RARB: variants seen among roughly 807,000 people sequenced by gnomAD.
The protein encoded by RARB is retinoic acid receptor beta.
In RARB, 17 loss-of-function variants were observed where a neutral mutation model predicts 51.9. That is an observed-to-expected ratio of 0.33 (90% CI 0.22 to 0.49). The LOEUF (loss-of-function observed/expected upper bound fraction) is 0.49. Ranked by LOEUF, RARB falls within the 20% of genes least tolerant of loss-of-function variation. The pLI is 0.99. For missense variants in RARB, 369 were observed against 550.8 expected, an observed-to-expected ratio of 0.67 and a Z score of 3.30; for synonymous variants, 215 against 195.4, an observed-to-expected ratio of 1.10 and a Z score of -0.84.
Position 25,575,843 on chromosome 3 carries a change from A to T in RARB, c.610-4703A>T, listed in dbSNP as rs185474544. Among the ~76,000 whole-genome samples, 13 of 152,252 alleles carry T rather than the reference A, an allele frequency of 8.5e-5. No individual in the cohort carries two copies. The East Asian group carries it at 2.5e-3, about 29-fold the overall frequency. On this transcript the variant is annotated intron_variant, in intron 4 of 7. Coordinates refer to ENST00000330688, the MANE Select transcript of RARB (RefSeq NM_000965.5). ...ACATCTTTTTGAGGAACACAGTTTA[A>T]CCCGTAACAAACAGTAACACCTAGT...
chr3:25,026,512 G>A (rs1407371667), intron 2 of RARB, among the ~76,000 whole-genome samples: 2 of 152,038 alleles, frequency 1.3e-5, no homozygotes, highest in African/African-American at 2.4e-5. Context: ...TGCCTCTTTG[G>A]GCATCCAAAT....
chr3:24,864,395 T>C (rs75772675), intron 2 of RARB, among the ~76,000 whole-genome samples: 402 of 152,338 alleles, frequency 2.6e-3, no homozygotes, highest in African/African-American at 9.4e-3. Flanking sequence ...CTCTGGATAC[T>C]TCCCTGGCTC....
chr3:25,499,792 G>A (rs2125603257), intron 2 of RARB, among the ~76,000 whole-genome samples: 1 of 151,870 alleles, frequency 6.6e-6, no homozygotes, highest in East Asian at 1.9e-4. Flanking sequence ...AAGGAGGGAA[G>A]GAAAAGAGAA....
At chr3:25,367,828 C>A (rs1351783) in intron 5 of RARB, among the ~76,000 whole-genome samples, 63,648 of 136,978 alleles carry the variant, frequency 0.46, 15,467 homozygotes, top group East Asian at 0.73. Flanking sequence ...AAAAAAAAAA[C>A]AAAAACAAAA....
intron 2 of RARB, among the ~76,000 whole-genome samples, chr3:25,043,375 A>G (rs1311781696): frequency 2.6e-5 from 4 of 152,272 alleles, no homozygotes; most frequent in Non-Finnish European, 4.4e-5. Flanking sequence ...ATTTATTAAT[A>G]GTAATAAATA....
chr3:25,245,640 T>C (rs1702540927), intron 5 of RARB, among the ~76,000 whole-genome samples: 1 of 152,208 alleles, frequency 6.6e-6, no homozygotes, highest in Non-Finnish European at 1.5e-5. Context: ...CCCCACTCTC[T>C]TCTTGCTTGT....
chr3:24,833,669 T>C lies in RARB; in HGVS notation c.-459+4266T>C, dbSNP rs77430992. Among the ~76,000 whole-genome samples the C allele has an allele frequency of 4.2e-3, 639 of 152,360 alleles. 2 individuals carry two copies. The highest frequency in any genetic ancestry group is 0.015 in the African/African-American group (610 of 41,578). ...CTTTAGTCTTCCTCATTTGGGGAAA[T>C]GACAGTACCATACTAATTGTTCAGT... On this transcript the variant is annotated intron_variant, in intron 1 of 11. Transcript: ENST00000383772.
At chr3:24,972,164 C>CT (rs1696414285) in intron 2 of RARB, among the ~76,000 whole-genome samples, 3 of 151,940 alleles carry the variant, frequency 2.0e-5, no homozygotes, top group African/African-American at 7.2e-5. Context: ...CGCTTTCTGG[C>CT]CTCTCGTCAC....
At chr3:25,575,536 T>C (rs940575086) in intron 4 of RARB, among the ~76,000 whole-genome samples, 8 of 152,192 alleles carry the variant, frequency 5.3e-5, no homozygotes, top group African/African-American at 1.9e-4. Flanking sequence ...GAGAGAGCCC[T>C]TTCTTGCCTC....
At chr3:25,182,842 G>A (rs1233163997) in intron 5 of RARB, among the ~76,000 whole-genome samples, 2 of 152,160 alleles carry the variant, frequency 1.3e-5, no homozygotes, top group South Asian at 2.1e-4. Context: ...ATTAGGGTGA[G>A]CCCTAATCCA....
In RARB at chr3:25,596,770, T is replaced by TGAA; in HGVS notation, c.*154_*155insGAA. The TGAA allele has an allele frequency of 1.8e-6, 1 of 551,290 alleles. No individual in the cohort carries two copies. The highest frequency in any genetic ancestry group is 3.0e-6 in the Non-Finnish European group (1 of 332,982). The allele number at this position is 551,290 out of a possible 1,614,324, so 34.1% of individuals were successfully genotyped here. On this transcript the variant is annotated 3_prime_UTR_variant, in exon 8 of 8. Coordinates refer to ENST00000330688, the MANE Select transcript of RARB (RefSeq NM_000965.5). ...AAGTTTTCATATGTATCAATATATA[T>TGAA]ACTCCTCACTGTGTAACTTACCTAG...
intron 1 of RARB, among the ~76,000 whole-genome samples, chr3:25,439,605 C>T (rs1462132511): frequency 1.3e-5 from 2 of 152,046 alleles, no homozygotes; most frequent in Non-Finnish European, 2.9e-5. Context: ...ACCATGTTGC[C>T]CAGGCTGGTC....
intron 3 of RARB, among the ~76,000 whole-genome samples, chr3:25,067,861 G>A (rs574619917): frequency 1.3e-5 from 2 of 152,070 alleles, no homozygotes; most frequent in Non-Finnish European, 2.9e-5. Flanking sequence ...TCTTGGCCGG[G>A]TGCAGTGGCT....
intron 5 of RARB, among the ~76,000 whole-genome samples, chr3:25,308,223 T>C (rs1704199226): frequency 6.6e-6 from 1 of 152,242 alleles, no homozygotes; most frequent in Non-Finnish European, 1.5e-5. Flanking sequence ...CTTTTTGCTA[T>C]TGGGGAACTT....
In RARB at chr3:24,964,271, T is replaced by C. The variant is rs561103344; in HGVS notation, c.-379-95854T>C. On this transcript the variant is annotated intron_variant, in intron 2 of 11. Transcript: ENST00000383772. ...TATAGGAATTGATATTTTGTAGGAA[T>C]TTACAAATCAAATTTACAAATTTGA... Among the ~76,000 whole-genome samples, 10 of 152,334 alleles carry C rather than the reference T, an allele frequency of 6.6e-5. No homozygotes were observed. In the South Asian group the frequency reaches 2.1e-3, roughly 32 times the overall value.
chr3:24,929,646 G>A (rs1695399047), intron 2 of RARB, among the ~76,000 whole-genome samples: 1 of 152,016 alleles, frequency 6.6e-6, no homozygotes, highest in African/African-American at 2.4e-5. Flanking sequence ...AGAAACAACA[G>A]TAATTTGTGG....
intron 2 of RARB, among the ~76,000 whole-genome samples, chr3:24,920,908 G>A (rs1381783867): frequency 2.0e-5 from 3 of 152,186 alleles, no homozygotes; most frequent in Non-Finnish European, 4.4e-5. Context: ...TGAGTGTCAA[G>A]TTGAAGTCCT....
chr3:25,338,423 CAG>C (rs1409199222), intron 5 of RARB, among the ~76,000 whole-genome samples: 1 of 152,114 alleles, frequency 6.6e-6, no homozygotes, highest in African/African-American at 2.4e-5. Flanking sequence ...TGAAGAGAAA[CAG>C]AGAGACATTC....
At chr3:25,040,074 C>G (rs192840488) in intron 2 of RARB, among the ~76,000 whole-genome samples, 253 of 152,232 alleles carry the variant, frequency 1.7e-3, no homozygotes, top group African/African-American at 5.7e-3. Context: ...CAGGGGCATT[C>G]ATGGTAATGT....
Sources: allele counts gnomAD v4.1 joint callset (sites outside exome capture counted in the v4.1 genomes callset), GRCh38; gene constraint gnomAD v4.1.1; transcripts MANE v1.5; gene names NCBI Gene and HGNC (gene_info 2026-07-23, HGNC 2026-07-21).